Variants in IL1RAPL1 observed in about 807,000 individuals in gnomAD.
IL1RAPL1 encodes the protein interleukin-1 receptor accessory protein-like 1.
In IL1RAPL1, 3 loss-of-function variants were observed where a neutral mutation model predicts 48.4. That is an observed-to-expected ratio of 0.06 (90% CI 0.03 to 0.16). The LOEUF is 0.16. Ranked by LOEUF, IL1RAPL1 falls within the 10% of genes least tolerant of loss-of-function variation. The pLI is 1.00. For synonymous variants in IL1RAPL1, 185 were observed against 187.7 expected, an observed-to-expected ratio of 0.99 and a Z score of 0.12; for missense variants, 349 against 530.6, an observed-to-expected ratio of 0.66 and a Z score of 3.36.
At chrX:28,824,177 T>C (rs1936967522) in intron 2 of IL1RAPL1, among the ~76,000 whole-genome samples, 1 of 111,702 alleles carries the variant, frequency 9.0e-6, no homozygotes, top group Non-Finnish European at 1.9e-5. Context: ...CTATTACCAC[T>C]TGAATTGATT....
intron 6 of IL1RAPL1, among the ~76,000 whole-genome samples, chrX:29,677,710 T>C (rs1284290089): frequency 8.9e-6 from 1 of 112,165 alleles, no homozygotes; most frequent in Non-Finnish European, 1.9e-5. Flanking sequence ...TGGAAACAAA[T>C]GTCCTCATTG....
At chrX:29,204,354 C>T in intron 2 of IL1RAPL1, among the ~76,000 whole-genome samples, 1 of 111,921 alleles carries the variant, frequency 8.9e-6, no homozygotes, top group South Asian at 3.7e-4. Context: ...ACAAGAGTTC[C>T]CCTTTCCGCA....
intron 5 of IL1RAPL1, among the ~76,000 whole-genome samples, chrX:29,489,517 T>C (rs1209533460): frequency 1.8e-5 from 2 of 112,330 alleles, no homozygotes; most frequent in African/African-American, 6.5e-5. Flanking sequence ...AATTCATCTT[T>C]AATGATTTTA....
chrX:29,715,532 C>T (rs185499784), intron 6 of IL1RAPL1, among the ~76,000 whole-genome samples: 1 of 111,762 alleles, frequency 8.9e-6, no homozygotes, highest in Admixed American at 9.5e-5. Context: ...CAAGTTGGAC[C>T]TCTTACCTCA....
At chrX:29,927,731 G>A (rs1932903133) in intron 8 of IL1RAPL1, among the ~76,000 whole-genome samples, 1 of 111,637 alleles carries the variant, frequency 9.0e-6, no homozygotes, top group Non-Finnish European at 1.9e-5. Flanking sequence ...ACATATGGAG[G>A]AACACGATGT....
intron 2 of IL1RAPL1, among the ~76,000 whole-genome samples, chrX:28,918,513 T>C (rs757448443): frequency 1.8e-5 from 2 of 112,241 alleles, no homozygotes; most frequent in Non-Finnish European, 3.8e-5. Context: ...GACATTAAAA[T>C]ATTTGCTTCT....
intron 2 of IL1RAPL1, among the ~76,000 whole-genome samples, chrX:28,869,634 T>C (rs1427209937): frequency 8.9e-6 from 1 of 112,269 alleles, no homozygotes; most frequent in Non-Finnish European, 1.9e-5. Context: ...TAACATAAAA[T>C]TGACCACTTT....
At chrX:29,659,458 T>C (rs1242527649) in intron 5 of IL1RAPL1, among the ~76,000 whole-genome samples, 1 of 112,199 alleles carries the variant, frequency 8.9e-6, no homozygotes, top group Non-Finnish European at 1.9e-5. Context: ...GGAAACTCCA[T>C]AGAGTTTTCC....
At chrX:29,207,178 C>T (rs1408353955) in intron 2 of IL1RAPL1, among the ~76,000 whole-genome samples, 1 of 110,982 alleles carries the variant, frequency 9.0e-6, no homozygotes, top group Non-Finnish European at 1.9e-5. Context: ...TTCTAAAATC[C>T]AAGAAACAAG....
intron 2 of IL1RAPL1, among the ~76,000 whole-genome samples, chrX:29,200,346 T>C (rs950902321): frequency 9.0e-6 from 1 of 111,472 alleles, no homozygotes; most frequent in African/African-American, 3.3e-5. Context: ...TTGCATTTAG[T>C]ATCTTCTTCC....
chrX:29,606,334 G>A (rs1305420509), intron 5 of IL1RAPL1, among the ~76,000 whole-genome samples: 4 of 97,824 alleles, frequency 4.1e-5, no homozygotes, highest in Non-Finnish European at 8.2e-5. Context: ...GGAAGTAGTG[G>A]GGAGCGGTCC....
In IL1RAPL1 at chrX:28,590,948, T is replaced by C. The variant is rs913668549; in HGVS notation, c.-25+2901T>C. 2.7e-5 allele frequency among the ~76,000 whole-genome samples: 3 copies of C among 112,327 alleles called. No homozygotes were observed. The East Asian group carries it at 8.4e-4, about 31-fold the overall frequency. On this transcript the variant is annotated intron_variant, in intron 1 of 10. Transcript: ENST00000378993. Reference sequence around the variant, plus strand: ...ATAGTTTCAATCATGTTAATGGCACTTTATAAGCTGTTACTTTCTTTAGGA... The same window carrying C: ...ATAGTTTCAATCATGTTAATGGCACCTTATAAGCTGTTACTTTCTTTAGGA...
intron 2 of IL1RAPL1, among the ~76,000 whole-genome samples, chrX:28,789,651 A>G (rs1161386280): frequency 8.9e-6 from 1 of 112,194 alleles, no homozygotes; most frequent in African/African-American, 3.2e-5. Context: ...ATGAATTGGC[A>G]TGGATTCAAT....
chrX:29,149,963 G>A (rs1929428323), intron 2 of IL1RAPL1, among the ~76,000 whole-genome samples: 1 of 111,578 alleles, frequency 9.0e-6, no homozygotes, highest in Admixed American at 9.6e-5. Context: ...TACTGTCACC[G>A]ATTAGATGTG....
At chrX:28,934,390 A>G (rs1245170565) in intron 2 of IL1RAPL1, among the ~76,000 whole-genome samples, 1 of 111,191 alleles carries the variant, frequency 9.0e-6, no homozygotes, top group African/African-American at 3.3e-5. Flanking sequence ...TTATTCATAT[A>G]CCATACAGTT....
chrX:29,343,092 G>A (rs1049602767), intron 3 of IL1RAPL1, among the ~76,000 whole-genome samples: 5 of 111,273 alleles, frequency 4.5e-5, no homozygotes, highest in African/African-American at 1.6e-4. Context: ...TAATTACTTG[G>A]GTAATCAAAA....
intron 6 of IL1RAPL1, among the ~76,000 whole-genome samples, chrX:29,831,906 C>A (rs1345833031): frequency 9.0e-6 from 1 of 111,626 alleles, no homozygotes; most frequent in Non-Finnish European, 1.9e-5. Context: ...TATTAATAAC[C>A]TCTTATGTAT....
In IL1RAPL1 at chrX:29,153,922, A is replaced by G. The variant is rs761946161; in HGVS notation, c.83-129016A>G. Among the ~76,000 whole-genome samples the G allele has an allele frequency of 9.8e-5, 11 of 112,403 alleles. No individual in the cohort carries two copies. In the South Asian group the frequency reaches 2.9e-3, roughly 30 times the overall value. On this transcript the variant is annotated intron_variant, in intron 2 of 10. Coordinates refer to ENST00000378993, the MANE Select transcript of IL1RAPL1 (RefSeq NM_014271.4). ...AATATTAGTACATAAACTGAACACA[A>G]GAAGGAATTTATACCATAGAAAAAT...
chrX:29,924,520 CTAATA>C (rs1198018359), intron 8 of IL1RAPL1, among the ~76,000 whole-genome samples: 4 of 112,127 alleles, frequency 3.6e-5, no homozygotes, highest in Non-Finnish European at 5.6e-5. Flanking sequence ...GAAATAAGGA[CTAATA>C]TAATTTGGAA....
Sources: allele counts gnomAD v4.1 joint callset (sites outside exome capture counted in the v4.1 genomes callset), GRCh38; gene constraint gnomAD v4.1.1; transcripts MANE v1.5; gene names NCBI Gene and HGNC (gene_info 2026-07-23, HGNC 2026-07-21).